The following CFAP410 variants were observed in gnomAD, a reference collection of about 807,000 sequenced individuals.
CFAP410 encodes the protein cilia- and flagella-associated protein 410.
CFAP410 carries 27 observed loss-of-function variants against 25.7 expected under a neutral mutation model. The ratio of observed to expected loss-of-function variants is 1.05; its 90% CI spans 0.77 to 1.45. The LOEUF is 1.45. CFAP410 is among the 40% of genes most tolerant of loss of function. CFAP410 has a pLI of 0.00. For synonymous variants in CFAP410, 178 were observed against 158.4 expected (o/e 1.12, Z -0.93); for missense variants, 428 against 354.1 (o/e 1.21, Z -1.67).
At position 44,339,202 on chromosome 21, in the gene CFAP410, G is replaced by A; in HGVS notation, c.-8C>T. ...CTTCCGCGTCAGCTTCATGGCGGCC[G>A]CCCAGGCCCGACCGGCGGGCGCCCC... is the stretch of plus-strand genomic sequence containing the variant. On this transcript the variant is annotated 5_prime_UTR_variant, in exon 1 of 7. Transcript: ENST00000339818. 2.1e-6 allele frequency: 3 copies of A among 1,444,568 alleles called. No homozygotes were observed. Among genetic ancestry groups the A allele is most frequent in the Middle Eastern group, 1.9e-4 (1 of 5,396 alleles). The allele number at this position is 1,444,568 out of a possible 1,614,324, so 89.5% of individuals were successfully genotyped here.
chr21:44,334,890 C>T lies in CFAP410; in HGVS notation c.143+868G>A, dbSNP rs78221065. ...GCAATGCCAACCTCAGAGGGCATTA[C>T]GGAGGATGGGCAGGGGCTGGCCTAC... On this transcript the variant is annotated intron_variant, in intron 3 of 6. Coordinates refer to ENST00000339818, the MANE Select transcript of CFAP410 (RefSeq NM_004928.3). The T allele has an allele frequency of 2.6e-3, 412 of 157,334 alleles. 2 individuals are homozygous for T. Among genetic ancestry groups the T allele is most frequent in the African/African-American group, 9.5e-3 (397 of 41,592 alleles). 9.7% of individuals were successfully genotyped at this position (157,334 alleles called of 1,614,324 possible).
rs1226111278 is a variant in CFAP410 at position 44,330,907 on chromosome 21, C to G, written c.558G>C (p.Gln186His). The change falls in exon 6 of 7, where the codon CAG (glutamine) becomes CAC (histidine). Residue 186 changes from glutamine to histidine, a missense_variant. By Grantham distance (24) the Gln-to-His change is conservative. Coordinates refer to ENST00000339818, the MANE Select transcript of CFAP410 (RefSeq NM_004928.3). Reference protein sequence around the residue: ...DSEEEATSGAQDERGLKPPSR... With the variant: ...DSEEEATSGAHDERGLKPPSR... The stretch of plus-strand genomic sequence containing the variant: ...AAGGCGGCTTCAGGCCACGTTCATC[C>G]TGGGCGCCGCTGCTGAGAGGGAGAC... 6.3e-7 allele frequency: 1 copy of G among 1,593,920 alleles called. No homozygotes were observed. The highest frequency in any genetic ancestry group is 8.6e-7 in the Non-Finnish European group (1 of 1,167,574).
At chr21:44,334,270 C>A (rs73907175) in intron 3 of CFAP410, 2 of 456,266 alleles carry the variant, frequency 4.4e-6, no homozygotes, top group Non-Finnish European at 4.4e-6. Flanking sequence ...GCCCCACACA[C>A]GAGCGGCCTG....
intron 6 of CFAP410, 103 bp downstream of exon 6, chr21:44,330,720 T>G: frequency 6.5e-7 from 1 of 1,549,144 alleles, no homozygotes; most frequent in Non-Finnish European, 8.7e-7. Context: ...CCATGCTCCC[T>G]CCCCACGGGG....
At chr21:44,337,096 A>AAG (rs1555883608) in intron 2 of CFAP410, among the ~76,000 whole-genome samples, 27 of 151,552 alleles carry the variant, frequency 1.8e-4, no homozygotes, top group Admixed American at 5.3e-4. Context: ...AAAAAAAAAA[A>AAG]AAAGAAAGAA....
At chr21:44,337,622 T>C in intron 2 of CFAP410, 27 bp downstream of exon 2, 2 of 1,607,198 alleles carry the variant, frequency 1.2e-6, no homozygotes, top group Non-Finnish European at 1.7e-6. Context: ...ATCAGTGCAA[T>C]ACTTACATCT....
chr21:44,334,234 G>C (rs2047706339), intron 3 of CFAP410: 1 of 456,202 alleles, frequency 2.2e-6, no homozygotes, highest in African/African-American at 2.0e-5. Context: ...CTGGGGTCCT[G>C]TCCCTCCCGA....
In CFAP410 at chr21:44,333,244, G is replaced by A. The variant is rs2146069577; in HGVS notation, c.162C>T (p.Thr54=). 1 of 1,611,956 alleles carries A rather than the reference G, an allele frequency of 6.2e-7. No homozygotes were observed. The highest frequency in any genetic ancestry group is 8.5e-7 in the Non-Finnish European group (1 of 1,179,562). ...VITLSVNSIS[T]LEPVSRCQRL... is the part of the protein sequence containing the mutation. Reference sequence around the variant, plus strand: ...GCTGGCACCGGCTCACAGGCTCCAGGGTGGAGATGCTGTTGACACTGCACG... The same window carrying A: ...GCTGGCACCGGCTCACAGGCTCCAGAGTGGAGATGCTGTTGACACTGCACG... Residue 54 remains threonine, a synonymous_variant, in exon 4 of 7, where the codon ACC becomes ACT. Transcript: ENST00000339818.
At chr21:44,335,527 A>G in intron 3 of CFAP410, 1 of 590,134 alleles carries the variant, frequency 1.7e-6, no homozygotes, top group Non-Finnish European at 3.0e-6. Context: ...CAGGCAGGGG[A>G]CAGGAGCCAT....
chr21:44,330,134 T>C lies in CFAP410; in HGVS notation c.*64A>G, dbSNP rs2146052825. The C allele has an allele frequency of 2.0e-6, 3 of 1,509,792 alleles. No homozygotes were observed. Among genetic ancestry groups the C allele is most frequent in the Non-Finnish European group, 2.7e-6 (3 of 1,127,060 alleles). The allele number at this position is 1,509,792 out of a possible 1,614,324, so 93.5% of individuals were successfully genotyped here. On this transcript the variant is annotated 3_prime_UTR_variant, in exon 7 of 7. Coordinates refer to ENST00000339818, the MANE Select transcript of CFAP410 (RefSeq NM_004928.3). ...GCGGCCATGGCAGCCACCCTCCAGCTCCCGGGGGCTGGGGAAGACGCTGGG... is the reference window on the plus strand; with the variant it reads ...GCGGCCATGGCAGCCACCCTCCAGCCCCCGGGGGCTGGGGAAGACGCTGGG...
intron 4 of CFAP410, chr21:44,332,601 C>G (rs565722562): frequency 1.7e-5 from 3 of 177,680 alleles, no homozygotes; most frequent in Non-Finnish European, 3.5e-5. Flanking sequence ...GGCAGGGGCG[C>G]GATGGCACCG....
chr21:44,337,824 A>G (rs2047783642), intron 1 of CFAP410, among the ~76,000 whole-genome samples, 157 bp from the exon 2 acceptor site: 1 of 152,232 alleles, frequency 6.6e-6, no homozygotes, highest in South Asian at 2.1e-4. Context: ...GATAACTGGC[A>G]AAGGTGTAAA....
chr21:44,335,471 G>A (rs1372928046), intron 3 of CFAP410: 2 of 507,108 alleles, frequency 3.9e-6, no homozygotes, highest in Non-Finnish European at 7.0e-6. Context: ...CACAGCAATG[G>A]CTTATCGGAG....
intron 3 of CFAP410, chr21:44,334,323 C>T: frequency 2.2e-6 from 1 of 454,950 alleles, no homozygotes; most frequent in Non-Finnish European, 4.4e-6. Context: ...CAGTGAGCGG[C>T]AGGGATAGGG....
intron 1 of CFAP410, chr21:44,338,327 T>C (rs1602091351): frequency 7.8e-7 from 1 of 1,289,184 alleles, no homozygotes; most frequent in African/African-American, 1.5e-5. Flanking sequence ...CACGGCGCGG[T>C]CACTCTGCTG....
chr21:44,333,112 C>T lies in CFAP410; in HGVS notation c.294G>A (p.Pro98=), dbSNP rs755945783. The T allele has an allele frequency of 1.7e-5, 27 of 1,610,302 alleles. 2 individuals carry two copies. The highest frequency in any genetic ancestry group is 1.2e-4 in the African/African-American group (9 of 74,900). The change falls in exon 4 of 7, where the codon CCG becomes CCA. Residue 98 remains proline (P), a synonymous_variant. Transcript: ENST00000339818. ...AGCGGTGGGGGCTGGTGCCGCAGCA[C>T]GGGTTCTCGGCCAGCCACAGCACCC... ...RLRVLWLAEN[P]CCGTSPHRYR...
intron 2 of CFAP410, among the ~76,000 whole-genome samples, chr21:44,336,580 T>C (rs1222564207): frequency 1.3e-5 from 2 of 152,156 alleles, no homozygotes; most frequent in African/African-American, 4.8e-5. Flanking sequence ...ACGCCAGGCA[T>C]GGCACCAGCA....
intron 3 of CFAP410, 32 bp from the exon 4 acceptor site, chr21:44,333,294 CG>C (rs1568988373): frequency 6.4e-7 from 1 of 1,563,634 alleles, no homozygotes; most frequent in African/African-American, 1.4e-5. Context: ...CAGCGAGGGA[CG>C]TGGCCAGGGC....
Position 44,330,728 on chromosome 21 carries a change from G to A in CFAP410, c.642+95C>T, listed in dbSNP as rs1159155409. The A allele has an allele frequency of 7.7e-6, 12 of 1,549,292 alleles. No homozygotes were observed. In the East Asian group the frequency reaches 2.9e-4, roughly 38 times the overall value. On this transcript the variant is annotated intron_variant, in intron 6 of 6. Coordinates refer to ENST00000339818, the MANE Select transcript of CFAP410 (RefSeq NM_004928.3). Reference sequence around the variant, plus strand: ...TGAGGCTCCATGCTCCCTCCCCACGGGGCCCTGTGAGGCTCCATGCTCCCT... The same window carrying A: ...TGAGGCTCCATGCTCCCTCCCCACGAGGCCCTGTGAGGCTCCATGCTCCCT...
Sources: gnomAD v4.1 joint callset for allele counts (sites outside exome capture counted in the v4.1 genomes callset) on GRCh38, gnomAD v4.1.1 for gene constraint, MANE v1.5 for transcripts, NCBI Gene and HGNC (gene_info 2026-07-23, HGNC 2026-07-21) for gene names.